The following SYT2 variants were observed in gnomAD, a reference collection of about 807,000 sequenced individuals.
SYT2 encodes the protein synaptotagmin 2, also known as synaptotagmin-2.
In SYT2, 15 loss-of-function variants were observed where a neutral mutation model predicts 39.9. That is an observed-to-expected ratio of 0.38 (90% CI 0.25 to 0.58). SYT2 has a LOEUF of 0.58. SYT2 is among the 20% of genes least tolerant of loss of function. SYT2 has a pLI of 0.70. For missense variants in SYT2, 389 were observed against 530.3 expected (o/e 0.73, Z 2.62); for synonymous variants, 181 against 204.5 (o/e 0.89, Z 0.98).
intron 1 of SYT2, among the ~76,000 whole-genome samples, chr1:202,681,298 G>A (rs1268453701): frequency 6.6e-6 from 1 of 152,120 alleles, no homozygotes; most frequent in African/African-American, 2.4e-5. Flanking sequence ...GAGGTGAGAG[G>A]GAGAGTTAAA....
At chr1:202,695,561 TTGAG>T (rs1653953543) in intron 1 of SYT2, among the ~76,000 whole-genome samples, 2 of 152,198 alleles carry the variant, frequency 1.3e-5, no homozygotes, top group South Asian at 4.1e-4. Flanking sequence ...CTCGATTTGA[TTGAG>T]TGTGACAACT....
intron 5 of SYT2, 137 bp downstream of exon 5, chr1:202,602,241 G>T: frequency 8.2e-7 from 1 of 1,216,420 alleles, no homozygotes; most frequent in South Asian, 1.4e-5. Context: ...CCTCCATAGA[G>T]GCCGGGGTAG....
chr1:202,630,326 TG>T, intron 1 of SYT2: 1 of 977,630 alleles, frequency 1.0e-6, no homozygotes, highest in Non-Finnish European at 1.2e-6. Context: ...GGAGGACACA[TG>T]GGGAGAGGGA....
chr1:202,612,342 A>G (rs1166914740), intron 1 of SYT2, among the ~76,000 whole-genome samples: 7 of 151,912 alleles, frequency 4.6e-5, no homozygotes, highest in Admixed American at 4.6e-4. Context: ...GCTTTGTAGT[A>G]AGTTTTGAAA....
At chr1:202,661,826 ATT>A (rs1214343560) in intron 1 of SYT2, among the ~76,000 whole-genome samples, 3 of 152,166 alleles carry the variant, frequency 2.0e-5, no homozygotes, top group Admixed American at 6.5e-5. Flanking sequence ...TGGGACCCTA[ATT>A]TGCTCAAAGT....
chr1:202,638,242 C>T (rs1279002415), intron 1 of SYT2, among the ~76,000 whole-genome samples: 1 of 152,158 alleles, frequency 6.6e-6, no homozygotes, highest in Admixed American at 6.5e-5. Flanking sequence ...GGGCTTTGCC[C>T]CTCCTCCCCC....
At chr1:202,697,899 T>C (rs1654013921) in intron 1 of SYT2, among the ~76,000 whole-genome samples, 1 of 152,162 alleles carries the variant, frequency 6.6e-6, no homozygotes, top group Non-Finnish European at 1.5e-5. Flanking sequence ...ACTGCTCCAG[T>C]CTGCCTCCAA....
intron 1 of SYT2, chr1:202,632,634 G>A: frequency 1.0e-6 from 1 of 976,620 alleles, no homozygotes; most frequent in Non-Finnish European, 1.2e-6. Context: ...TCCAAGCAGG[G>A]GAAAAGAGAA....
chr1:202,624,569 TGTGTGTG>T lies in SYT2; in HGVS notation c.-17-18787_-17-18781del, dbSNP rs1329864219. Among the ~76,000 whole-genome samples, 957 of 99,890 alleles carry T rather than the reference TGTGTGTG, an allele frequency of 9.6e-3. 18 individuals are homozygous for T. The highest frequency in any genetic ancestry group is 0.043 in the African/African-American group (923 of 21,528). The allele number at this position is 99,890 out of a possible 152,430, so 65.5% of individuals were successfully genotyped here. Reference sequence around the variant, plus strand: ...GTGTGGTGTGTGTGGTGTTTAGTAGTGTGTGTGGTGTGTGATGTGTGTGGTATCTGTG... The same window carrying T: ...GTGTGGTGTGTGTGGTGTTTAGTAGTGTGTGTGATGTGTGTGGTATCTGTG... On this transcript the variant is annotated intron_variant, in intron 1 of 8. Transcript: ENST00000367268.
chr1:202,646,318 C>T (rs529103796), intron 1 of SYT2, among the ~76,000 whole-genome samples: 2 of 152,322 alleles, frequency 1.3e-5, no homozygotes, highest in East Asian at 3.9e-4. Context: ...ACATGTTGTC[C>T]TCCACACCCC....
chr1:202,703,647 C>G (rs1351994232), intron 1 of SYT2, among the ~76,000 whole-genome samples: 1 of 152,116 alleles, frequency 6.6e-6, no homozygotes, highest in Non-Finnish European at 1.5e-5. Flanking sequence ...CCGGAGGGAG[C>G]CTGTGATTTT....
intron 1 of SYT2, among the ~76,000 whole-genome samples, chr1:202,690,539 G>T (rs1050589116): frequency 6.6e-6 from 1 of 152,210 alleles, no homozygotes; most frequent in Non-Finnish European, 1.5e-5. Context: ...CATCAGTGCT[G>T]CATGAGTCCC....
chr1:202,598,116 C>A (rs1553334175), intron 8 of SYT2, among the ~76,000 whole-genome samples: 7 of 152,166 alleles, frequency 4.6e-5, no homozygotes, highest in Non-Finnish European at 1.5e-5. Flanking sequence ...TCCTCATCCC[C>A]TAGCCTACCA....
intron 1 of SYT2, among the ~76,000 whole-genome samples, chr1:202,681,508 G>A (rs770824272): frequency 8.5e-5 from 13 of 152,178 alleles, no homozygotes; most frequent in Admixed American, 5.9e-4. Context: ...GAGGCTCCCC[G>A]CTGAAAGCCC....
chr1:202,702,315 A>G (rs899779969), intron 1 of SYT2, among the ~76,000 whole-genome samples: 3 of 152,174 alleles, frequency 2.0e-5, no homozygotes, highest in African/African-American at 7.2e-5. Flanking sequence ...AGCATCAAAG[A>G]GCTAATCCAA....
intron 1 of SYT2, among the ~76,000 whole-genome samples, chr1:202,608,936 T>G (rs1690795901): frequency 6.6e-6 from 1 of 152,078 alleles, no homozygotes; most frequent in South Asian, 2.1e-4. Flanking sequence ...TGCAGGTTAG[T>G]TACATGTGTA....
intron 1 of SYT2, among the ~76,000 whole-genome samples, chr1:202,663,253 T>C (rs1304412381): frequency 1.3e-5 from 2 of 152,162 alleles, no homozygotes; most frequent in Admixed American, 6.5e-5. Context: ...CGGAGGTCAT[T>C]ACCCTCAGCA....
At chr1:202,689,351 G>A (rs1653761631) in intron 1 of SYT2, among the ~76,000 whole-genome samples, 1 of 152,136 alleles carries the variant, frequency 6.6e-6, no homozygotes, top group Non-Finnish European at 1.5e-5. Context: ...CCCCATCAGG[G>A]ACCAGCCAGC....
intron 1 of SYT2, among the ~76,000 whole-genome samples, chr1:202,662,418 A>G (rs1481879256): frequency 1.3e-5 from 2 of 152,282 alleles, no homozygotes; most frequent in African/African-American, 2.4e-5. Flanking sequence ...TGCTCAGGGC[A>G]GCATCTGGAA....
Sources: allele counts gnomAD v4.1 joint callset (sites outside exome capture counted in the v4.1 genomes callset), GRCh38; gene constraint gnomAD v4.1.1; transcripts MANE v1.5; gene names NCBI Gene and HGNC (gene_info 2026-07-23, HGNC 2026-07-21).